The following FANCM variants were observed in gnomAD, a reference collection of about 807,000 sequenced individuals.
FANCM encodes Fanconi anemia group M protein.
A neutral mutation model predicts 199.5 loss-of-function variants in FANCM; 140 were observed. The observed-to-expected ratio is 0.70, with a 90% CI of 0.61 to 0.81. FANCM has a LOEUF of 0.81. FANCM is among the 30% of genes least tolerant of loss of function. The pLI is 0.00. For synonymous variants in FANCM, 840 were observed against 836.8 expected (o/e 1.00, Z -0.07); for missense variants, 2,410 against 2,421.4 (o/e 1.00, Z 0.10).
At position 45,196,554 on chromosome 14, in the gene FANCM, A is replaced by G; in HGVS notation, c.5716+7A>G. On this transcript the variant is annotated splice_region_variant and intron_variant, in intron 21 of 22. Coordinates refer to ENST00000267430, the MANE Select transcript of FANCM (RefSeq NM_020937.4). ...AAGGACAGAGAAAAAACAGGTTTGT[A>G]TTTTTAAATATCTTTGTTTATAAGA... 1 of 1,611,628 alleles carries G rather than the reference A, an allele frequency of 6.2e-7. No individual in the cohort carries two copies. Among genetic ancestry groups the G allele is most frequent in the Non-Finnish European group, 8.5e-7 (1 of 1,179,356 alleles).
At chr14:45,162,279 G>C (rs959443367) in intron 9 of FANCM, among the ~76,000 whole-genome samples, 1 of 152,152 alleles carries the variant, frequency 6.6e-6, no homozygotes, top group Non-Finnish European at 1.5e-5. Flanking sequence ...TCAGCTACTT[G>C]GGAGGCTGAG....
At position 45,200,086 on chromosome 14, in the gene FANCM, T is replaced by A; in HGVS notation, c.*78T>A. The A allele has an allele frequency of 2.4e-6, 2 of 842,488 alleles. No homozygotes were observed. Among genetic ancestry groups the A allele is most frequent in the Non-Finnish European group, 3.7e-6 (2 of 545,262 alleles). The allele number at this position is 842,488 out of a possible 1,614,324, so 52.2% of individuals were successfully genotyped here. On this transcript the variant is annotated 3_prime_UTR_variant, in exon 23 of 23. Transcript: ENST00000267430. The stretch of plus-strand genomic sequence containing the variant: ...TTCAATAATCATTGCTGTTTTATGT[T>A]TATTTGTAAATAAGAGAATATTTTA...
chr14:45,167,918 A>G (rs1447917223), intron 11 of FANCM, among the ~76,000 whole-genome samples: 1 of 152,114 alleles, frequency 6.6e-6, no homozygotes, highest in African/African-American at 2.4e-5. Context: ...CTCTGTTAAT[A>G]TAAATTATAT....
In FANCM at chr14:45,140,729, A is replaced by C; in HGVS notation, c.759+20A>C. 6.9e-7 allele frequency: 1 copy of C among 1,459,762 alleles called. No homozygotes were observed. Among genetic ancestry groups the C allele is most frequent in the African/African-American group, 1.4e-5 (1 of 71,972 alleles). 90.4% of individuals were successfully genotyped at this position (1,459,762 alleles called of 1,614,324 possible). ...ATAAAGGTAAGTAAAATGTTTTTCCATTTATTACAGTTAAGAAAATAAAGC... is the reference window on the plus strand; with the variant it reads ...ATAAAGGTAAGTAAAATGTTTTTCCCTTTATTACAGTTAAGAAAATAAAGC... On this transcript the variant is annotated intron_variant, in intron 3 of 22. Coordinates refer to ENST00000267430, the MANE Select transcript of FANCM (RefSeq NM_020937.4).
intron 3 of FANCM, among the ~76,000 whole-genome samples, chr14:45,145,536 A>G (rs1160890982): frequency 6.6e-6 from 1 of 152,198 alleles, no homozygotes; most frequent in Non-Finnish European, 1.5e-5. Flanking sequence ...ACAGTCTCCC[A>G]GAAACTGCAC....
At chr14:45,165,742 A>G (rs921570088) in intron 10 of FANCM, among the ~76,000 whole-genome samples, 4 of 152,148 alleles carry the variant, frequency 2.6e-5, no homozygotes, top group African/African-American at 9.7e-5. Flanking sequence ...ATTGGGTTCT[A>G]ATTGTATTCC....
rs773906713 is a variant in FANCM, at chr14:45,159,173, A to G, written c.1474A>G (p.Ile492Val). 6.2e-7 allele frequency: 1 copy of G among 1,613,530 alleles called. No individual in the cohort carries two copies. The highest frequency in any genetic ancestry group is 1.1e-5 in the South Asian group (1 of 91,006). The stretch of plus-strand genomic sequence containing the variant: ...TTCATTTCGAGATAGTGTTCAAGAA[A>G]TTGCAGAAATGCTTTCACAGCATCA... ...FSSFRDSVQE[I>V]AEMLSQHQPI... The change falls in exon 9 of 23, where the codon ATT becomes GTT. Residue 492 changes from isoleucine (I) to valine (V), a missense_variant. Ile to Val is a conservative substitution (Grantham distance 29). Coordinates refer to ENST00000267430, the MANE Select transcript of FANCM (RefSeq NM_020937.4).
rs140993629 is a variant in FANCM, at chr14:45,188,971, A to T, written c.4949A>T (p.Lys1650Ile). 3.7e-6 allele frequency: 6 copies of T among 1,613,996 alleles called. No individual in the cohort carries two copies. The highest frequency in any genetic ancestry group is 1.3e-5 in the African/African-American group (1 of 74,936). Residue 1650 changes from lysine to isoleucine, a missense_variant, in exon 20 of 23, where the codon AAA (lysine) becomes ATA (isoleucine). Transcript: ENST00000267430. ...AAAACTCGACGTGCAGTAATGCTAA[A>T]AGAAATGATGGAACAAAATTGTGCA... ...KYKTRRAVMLKEMMEQNCAHS... is the reference protein window; with the variant it reads ...KYKTRRAVMLIEMMEQNCAHS...
At chr14:45,140,238 T>C (rs1424736655) in intron 2 of FANCM, among the ~76,000 whole-genome samples, 1 of 152,126 alleles carries the variant, frequency 6.6e-6, no homozygotes, top group Admixed American at 6.6e-5. Context: ...TTTTTTTTTT[T>C]CTTTTGTAGA....
intron 3 of FANCM, among the ~76,000 whole-genome samples, chr14:45,144,567 CCTT>C (rs1463743603): frequency 3.9e-5 from 6 of 152,154 alleles, no homozygotes; most frequent in African/African-American, 1.4e-4. Flanking sequence ...AAGATGAAGT[CCTT>C]CTCACTCTTT....
Position 45,187,769 on chromosome 14 carries a change from A to T in FANCM, c.4673-12A>T, listed in dbSNP as rs373163994. The stretch of plus-strand genomic sequence containing the variant: ...ATTTTGCTAATTTATCTAAATTCTT[A>T]TCTTTACACAGATTCTGAAATGAGA... On this transcript the variant is annotated splice_polypyrimidine_tract_variant and intron_variant, in intron 18 of 22. Coordinates refer to ENST00000267430, the MANE Select transcript of FANCM (RefSeq NM_020937.4). The T allele has an allele frequency of 7.6e-7, 1 of 1,317,430 alleles. No homozygotes were observed. The highest frequency in any genetic ancestry group is 1.9e-4 in the Middle Eastern group (1 of 5,132). The allele number at this position is 1,317,430 out of a possible 1,614,324, so 81.6% of individuals were successfully genotyped here.
chr14:45,149,099 TATA>T lies in FANCM; in HGVS notation c.918+107_918+109del, dbSNP rs1413609808. On this transcript the variant is annotated intron_variant, in intron 4 of 22. Coordinates refer to ENST00000267430, the MANE Select transcript of FANCM (RefSeq NM_020937.4). ...TGATAATATAGTTATCTTATTTTTA[TATA>T]ATTGATATGTTGAAAAAATTCTTTG... 6.1e-6 allele frequency: 6 copies of T among 983,750 alleles called. No individual in the cohort carries two copies. In the Admixed American group the frequency reaches 1.5e-4, roughly 25 times the overall value. The allele number at this position is 983,750 out of a possible 1,614,324, so 60.9% of individuals were successfully genotyped here.
intron 9 of FANCM, among the ~76,000 whole-genome samples, chr14:45,161,816 A>G (rs1261503306): frequency 6.6e-6 from 1 of 152,068 alleles, no homozygotes; most frequent in Non-Finnish European, 1.5e-5. Context: ...TTGTCTGAAG[A>G]ATAAACTGTA....
chr14:45,188,658 AGTTT>A, intron 19 of FANCM, 140 bp from the exon 20 acceptor site: 1 of 644,266 alleles, frequency 1.6e-6, no homozygotes, highest in South Asian at 2.0e-5. Flanking sequence ...GAATGTACTT[AGTTT>A]ATGTTAGTTG....
In FANCM at chr14:45,175,983, G is replaced by A. The variant is rs1274410669; in HGVS notation, c.3229G>A (p.Glu1077Lys). ...TATACCTAATGATAATATTTCTGAT[G>A]AGCCAAGTCTCTGTGACTGTGATGT... ...YDIPNDNISD[E>K]PSLCDCDVHK... Residue 1077 changes from glutamate (E) to lysine (K), a missense_variant, in exon 14 of 23, where the codon GAG becomes AAG. Physicochemically the swap from Glu to Lys is moderately conservative, Grantham distance 56. Coordinates refer to ENST00000267430, the MANE Select transcript of FANCM (RefSeq NM_020937.4). 6.2e-7 allele frequency: 1 copy of A among 1,613,598 alleles called. No homozygotes were observed. Among genetic ancestry groups the A allele is most frequent in the Admixed American group, 1.7e-5 (1 of 59,990 alleles).
At position 45,183,861 on chromosome 14, in the gene FANCM, A is replaced by G. The variant is rs1051409981; in HGVS notation, c.4474A>G (p.Arg1492Gly). The part of the protein sequence containing the change: ...EDFKVCNGNA[R>G]RGIKVPKRQS... ...CTTCAAGGTTTGTAACGGGAATGCC[A>G]GAAGAGGCATCAAAGTCCCAAAGAG... Residue 1492 changes from arginine to glycine, a missense_variant, in exon 17 of 23, where the codon AGA (arginine) becomes GGA (glycine). Transcript: ENST00000267430. The G allele has an allele frequency of 3.7e-6, 6 of 1,611,974 alleles. No homozygotes were observed. Among genetic ancestry groups the G allele is most frequent in the Non-Finnish European group, 5.1e-6 (6 of 1,178,330 alleles).
Position 45,153,882 on chromosome 14 carries a change from A to C in FANCM, c.1051-38A>C, listed in dbSNP as rs552168542. 2.2e-4 allele frequency: 341 copies of C among 1,575,756 alleles called. 6 individuals are homozygous for C. In the South Asian group the frequency reaches 3.7e-3, roughly 17 times the overall value. ...GGGCATGGAGCATGTATGTTCATTT[A>C]TTTCTCTGGTTAAATTTGACATATG... is the stretch of plus-strand genomic sequence containing the variant. On this transcript the variant is annotated intron_variant, in intron 5 of 22. Transcript: ENST00000267430.
intron 20 of FANCM, among the ~76,000 whole-genome samples, chr14:45,192,757 A>C (rs1188658944): frequency 1.3e-5 from 2 of 152,148 alleles, no homozygotes; most frequent in African/African-American, 4.8e-5. Flanking sequence ...TGACCCTGGG[A>C]GGTTGAGGTT....
intron 2 of FANCM, among the ~76,000 whole-genome samples, chr14:45,139,988 C>G (rs1274946165): frequency 1.9e-4 from 29 of 151,558 alleles, no homozygotes; most frequent in Admixed American, 1.9e-3. Flanking sequence ...GACCCTGTTT[C>G]TAAAAAAAAA....
Sources: allele counts gnomAD v4.1 joint callset (sites outside exome capture counted in the v4.1 genomes callset), GRCh38; gene constraint gnomAD v4.1.1; transcripts MANE v1.5; gene names NCBI Gene and HGNC (gene_info 2026-07-23, HGNC 2026-07-21).